ZNF716: variants seen among roughly 807,000 people sequenced by gnomAD.
The protein encoded by ZNF716 is zinc finger protein 716.
A neutral mutation model predicts 13.4 loss-of-function variants in ZNF716; 9 were observed. That is an observed-to-expected ratio of 0.67 (90% CI 0.41 to 1.18). The LOEUF is 1.18. ZNF716 is among the 50% of genes most tolerant of loss of function. The pLI is 0.01. For missense variants in ZNF716, 581 were observed against 576.6 expected, an observed-to-expected ratio of 1.01 and a Z score of -0.08; for synonymous variants, 186 against 195.2, an observed-to-expected ratio of 0.95 and a Z score of 0.39.
chr7:57,460,858 G>C (rs1291618745), intron 1 of ZNF716, among the ~76,000 whole-genome samples: 2 of 152,090 alleles, frequency 1.3e-5, no homozygotes, highest in African/African-American at 4.8e-5. Flanking sequence ...TCTAAAAACT[G>C]TTAGGAGATA....
chr7:57,451,336 A>G (rs1789489396), intron 1 of ZNF716, among the ~76,000 whole-genome samples: 1 of 150,548 alleles, frequency 6.6e-6, no homozygotes, highest in Non-Finnish European at 1.5e-5. Context: ...CATTTGAGAT[A>G]GATTTTTTTT....
At chr7:57,457,771 C>T (rs1789629469) in intron 1 of ZNF716, among the ~76,000 whole-genome samples, 1 of 152,100 alleles carries the variant, frequency 6.6e-6, no homozygotes, top group South Asian at 2.1e-4. Flanking sequence ...AAGCATAGTA[C>T]CCAACAGATT....
intron 1 of ZNF716, among the ~76,000 whole-genome samples, chr7:57,462,128 T>C (rs1789716755): frequency 6.7e-6 from 1 of 149,868 alleles, no homozygotes; most frequent in African/African-American, 2.5e-5. Context: ...GCCACTGCAC[T>C]CCAGCCTGGG....
chr7:57,450,796 A>G (rs1290690126), intron 1 of ZNF716, among the ~76,000 whole-genome samples: 4 of 152,144 alleles, frequency 2.6e-5, no homozygotes, highest in African/African-American at 9.7e-5. Flanking sequence ...TAGAGCGCCC[A>G]GCTATGGTTT....
At position 57,462,553 on chromosome 7, in the gene ZNF716, A is replaced by T. The variant is rs781956130; in HGVS notation, c.133A>T (p.Met45Leu). Reference protein sequence around the residue: ...HAQQNLYRDVMLENYRNLVSL... With the variant: ...HAQQNLYRDVLLENYRNLVSL... ...TCAGCAGAATTTATATAGAGATGTG[A>T]TGTTAGAGAACTACAGAAACCTGGT... is the stretch of plus-strand genomic sequence containing the variant. The change falls in exon 2 of 4, where the codon ATG (methionine) becomes TTG (leucine). Residue 45 changes from methionine (M) to leucine (L), a missense_variant. By Grantham distance (15) the Met-to-Leu change is conservative. Transcript: ENST00000420713. 1 of 1,613,018 alleles carries T rather than the reference A, an allele frequency of 6.2e-7. No homozygotes were observed.
Position 57,450,179 on chromosome 7 carries a change from T to A in ZNF716, c.-110T>A. ...ACGCTTCCGTAAGGTTACGGGTTCT[T>A]TTTGCTTCTCTGCGCCCAGAGCTCC... On this transcript the variant is annotated 5_prime_UTR_variant, in exon 1 of 4. Coordinates refer to ENST00000420713, the MANE Select transcript of ZNF716 (RefSeq NM_001159279.1). The A allele has an allele frequency of 6.5e-7, 1 of 1,526,936 alleles. No homozygotes were observed. The highest frequency in any genetic ancestry group is 1.2e-5 in the South Asian group (1 of 86,134). The allele number at this position is 1,526,936 out of a possible 1,614,324, so 94.6% of individuals were successfully genotyped here.
At chr7:57,458,447 A>C (rs1441252571) in intron 1 of ZNF716, among the ~76,000 whole-genome samples, 13 of 144,702 alleles carry the variant, frequency 9.0e-5, no homozygotes, top group African/African-American at 2.6e-4. Context: ...TCTGACATGG[A>C]GTTTCACTCT....
rs1459516275 is a variant in ZNF716, at chr7:57,469,002, G to A, written c.541G>A (p.Gly181Arg). The change falls in exon 4 of 4, where the codon GGA (glycine) becomes AGA (arginine). Residue 181 changes from glycine (G) to arginine (R), a missense_variant. Coordinates refer to ENST00000420713, the MANE Select transcript of ZNF716 (RefSeq NM_001159279.1). ...CAATAGACACAAGACAAGACATACT[G>A]GAAAGAAACATTTCAAATGTAAAAA... ...NSNRHKTRHT[G>R]KKHFKCKNDG... is the part of the protein sequence containing the mutation. 1.2e-6 allele frequency: 2 copies of A among 1,607,648 alleles called. No homozygotes were observed. Among genetic ancestry groups the A allele is most frequent in the Non-Finnish European group, 1.7e-6 (2 of 1,176,492 alleles).
rs1554323335 is a variant in ZNF716 at position 57,462,574 on chromosome 7, C to T, written c.154C>T (p.Leu52=). The change falls in exon 2 of 4, where the codon CTG becomes TTG. Residue 52 remains leucine, a synonymous_variant. Transcript: ENST00000420713. The part of the protein sequence containing the change: ...RDVMLENYRN[L]VSLGIAVSKP... ...TGTGATGTTAGAGAACTACAGAAACCTGGTCTCCCTGGGTGAGGAAAACTT... is the reference window on the plus strand; with the variant it reads ...TGTGATGTTAGAGAACTACAGAAACTTGGTCTCCCTGGGTGAGGAAAACTT... 1 of 1,610,646 alleles carries T rather than the reference C, an allele frequency of 6.2e-7. No individual in the cohort carries two copies. The highest frequency in any genetic ancestry group is 1.7e-5 in the Admixed American group (1 of 59,444).
In ZNF716 at chr7:57,459,360, C is replaced by A. The variant is rs144170199; in HGVS notation, c.40-3100C>A. 1.8e-4 allele frequency among the ~76,000 whole-genome samples: 26 copies of A among 146,246 alleles called. No individual in the cohort carries two copies. The East Asian group carries it at 5.2e-3, about 29-fold the overall frequency. On this transcript the variant is annotated intron_variant, in intron 1 of 3. Coordinates refer to ENST00000420713, the MANE Select transcript of ZNF716 (RefSeq NM_001159279.1). ...AGATTCACTCAGACATTGCTGTCTT[C>A]TGTTGTCTCTGTAAACTTAAAAAAG...
Position 57,450,247 on chromosome 7 carries a change from C to T in ZNF716, c.-42C>T, listed in dbSNP as rs782500956. On this transcript the variant is annotated 5_prime_UTR_variant, in exon 1 of 4. Coordinates refer to ENST00000420713, the MANE Select transcript of ZNF716 (RefSeq NM_001159279.1). ...CTCTGCGTCCTCTGCTCCTGGAGGC[C>T]AAGCCTCTGTGGCCTTGTGTCCTGC... 24 of 1,613,462 alleles carry T rather than the reference C, an allele frequency of 1.5e-5. No homozygotes were observed. In the South Asian group the frequency reaches 1.6e-4, roughly 11 times the overall value.
intron 3 of ZNF716, among the ~76,000 whole-genome samples, chr7:57,466,130 A>G (rs1389161203): frequency 6.6e-6 from 1 of 152,100 alleles, no homozygotes; most frequent in Non-Finnish European, 1.5e-5. Context: ...GCACATGTAT[A>G]CATATGTAAC....
chr7:57,453,998 A>G (rs1272097899), intron 1 of ZNF716, among the ~76,000 whole-genome samples: 3 of 152,024 alleles, frequency 2.0e-5, no homozygotes, highest in Admixed American at 2.0e-4. Flanking sequence ...ACACCCGGCT[A>G]ATTTTTGTAT....
At chr7:57,458,239 T>C (rs1383703072) in intron 1 of ZNF716, among the ~76,000 whole-genome samples, 2 of 152,200 alleles carry the variant, frequency 1.3e-5, no homozygotes, top group South Asian at 4.1e-4. Context: ...AAACTGCTTT[T>C]CTCAATGTTT....
chr7:57,468,036 T>C (rs782634221), intron 3 of ZNF716, among the ~76,000 whole-genome samples: 6 of 152,296 alleles, frequency 3.9e-5, no homozygotes, highest in Admixed American at 6.5e-5. Flanking sequence ...ATCTTTATAA[T>C]GCAGCTCTTT....
rs1279965228 is a variant in ZNF716, at chr7:57,450,199, A to G, written c.-90A>G. ...GTTCTTTTTGCTTCTCTGCGCCCAG[A>G]GCTCCAGTCCTTCTCTTCACTGCTC... On this transcript the variant is annotated 5_prime_UTR_variant, in exon 1 of 4. Coordinates refer to ENST00000420713, the MANE Select transcript of ZNF716 (RefSeq NM_001159279.1). 1.3e-6 allele frequency: 2 copies of G among 1,589,664 alleles called. No individual in the cohort carries two copies. Among genetic ancestry groups the G allele is most frequent in the Non-Finnish European group, 1.7e-6 (2 of 1,163,624 alleles).
rs782147800 is a variant in ZNF716 at position 57,469,311 on chromosome 7, A to C, written c.850A>C (p.Thr284Pro). 1.9e-6 allele frequency: 3 copies of C among 1,589,780 alleles called. No homozygotes were observed. In the South Asian group the frequency reaches 3.4e-5, roughly 18 times the overall value. Residue 284 changes from threonine (T) to proline (P), a missense_variant, in exon 4 of 4, where the codon ACT becomes CCT. Thr to Pro is a conservative substitution (Grantham distance 38). Coordinates refer to ENST00000420713, the MANE Select transcript of ZNF716 (RefSeq NM_001159279.1). ...RGKVFSRSTL[T>P]NYKRIHTGEK... ...CAAAGTCTTTAGCCGCTCAACACTT[A>C]CTAACTACAAGAGAATTCATACTGG...
At chr7:57,463,781 CAT>C (rs1263972208) in intron 3 of ZNF716, among the ~76,000 whole-genome samples, 1 of 152,122 alleles carries the variant, frequency 6.6e-6, no homozygotes, top group South Asian at 2.1e-4. Flanking sequence ...ATATTTTAGA[CAT>C]AGATTCATAA....
At chr7:57,463,276 T>C in intron 3 of ZNF716, 108 bp downstream of exon 3, 1 of 1,463,158 alleles carries the variant, frequency 6.8e-7, no homozygotes, top group Non-Finnish European at 9.2e-7. Flanking sequence ...ATGGAAGAGT[T>C]TCTGAGAAGC....
Sources: gnomAD v4.1 joint callset for allele counts (sites outside exome capture counted in the v4.1 genomes callset) on GRCh38, gnomAD v4.1.1 for gene constraint, MANE v1.5 for transcripts, NCBI Gene and HGNC (gene_info 2026-07-23, HGNC 2026-07-21) for gene names.